The following FOXP4 variants were observed in gnomAD, a reference collection of about 807,000 sequenced individuals.
FOXP4 encodes the protein forkhead box P4, also known as forkhead box protein P4.
FOXP4 carries 25 observed loss-of-function variants against 82.6 expected under a neutral mutation model. The observed-to-expected ratio is 0.30, with a 90% confidence interval of 0.22 to 0.42. The LOEUF is 0.42. FOXP4 is among the 10% of genes least tolerant of loss of function. The pLI, the probability that FOXP4 is intolerant of heterozygous loss-of-function variation, is 1.00. For missense variants in FOXP4, 785 were observed against 900.9 expected (o/e 0.87, Z 1.65); for synonymous variants, 415 against 388.2 (o/e 1.07, Z -0.81).
intron 4 of FOXP4, 79 bp from the exon 5 acceptor site, chr6:41,585,352 C>G (rs988787076): frequency 1.5e-5 from 21 of 1,432,914 alleles, no homozygotes; most frequent in Non-Finnish European, 2.0e-5. Context: ...CTCCTGCCCC[C>G]AGGAGCCCAG....
In FOXP4 at chr6:41,601,380, T is replaced by G. The variant is rs913076; in HGVS notation, c.*2444T>G. On this transcript the variant is annotated 3_prime_UTR_variant, in exon 17 of 17. Transcript: ENST00000307972. Reference sequence around the variant, plus strand: ...CTCTTATCCCGTGTTAAGTCCTGGTTCCCCACCTGCTGCCCCTCCTCAACA... The same window carrying G: ...CTCTTATCCCGTGTTAAGTCCTGGTGCCCCACCTGCTGCCCCTCCTCAACA... 0.097 allele frequency: 14,829 copies of G among 152,358 alleles called. 763 individuals are homozygous for G. Among genetic ancestry groups the G allele is most frequent in the African/African-American group, 0.11 (4,593 of 41,500 alleles). The allele number at this position is 152,358 out of a possible 1,614,324, so 9.4% of individuals were successfully genotyped here.
chr6:41,574,278 C>A (rs535844090), intron 2 of FOXP4, among the ~76,000 whole-genome samples: 3 of 152,296 alleles, frequency 2.0e-5, no homozygotes, highest in Non-Finnish European at 4.4e-5. Flanking sequence ...TCATGGAGAC[C>A]CCTCAGTGGA....
chr6:41,598,198 TTCC>T (rs1441719052), intron 16 of FOXP4, among the ~76,000 whole-genome samples: 7 of 150,680 alleles, frequency 4.6e-5, no homozygotes, highest in East Asian at 2.0e-4. Flanking sequence ...TTTCTTATTT[TTCC>T]TCCTCCTCTC....
rs114553658 is a variant in FOXP4 at position 41,596,841 on chromosome 6, G to A, written c.1659-335G>A. Among the ~76,000 whole-genome samples, 685 of 152,116 alleles carry A rather than the reference G, an allele frequency of 4.5e-3. 6 individuals carry two copies. The highest frequency in any genetic ancestry group is 0.016 in the African/African-American group (651 of 41,500). On this transcript the variant is annotated intron_variant, in intron 14 of 16. Coordinates refer to ENST00000307972, the MANE Select transcript of FOXP4 (RefSeq NM_001012426.2). ...TGCCAAACATTGGAAAATCTAGACC[G>A]GAGAGAAAACGGGTGGGGGGGCAGC... is the stretch of plus-strand genomic sequence containing the variant.
At position 41,595,218 on chromosome 6, in the gene FOXP4, ACT is replaced by A. The variant is rs201620462; in HGVS notation, c.1658+230_1658+231del. ...GACATTTATGTCCTCTTCTGTCCTC[ACT>A]CTGACTGAGGGAAGGGGCCAAGAAG... On this transcript the variant is annotated intron_variant, in intron 14 of 16. Coordinates refer to ENST00000307972, the MANE Select transcript of FOXP4 (RefSeq NM_001012426.2). 7.2e-3 allele frequency among the ~76,000 whole-genome samples: 1,098 copies of A among 152,276 alleles called. 13 individuals carry two copies. The highest frequency in any genetic ancestry group is 0.013 in the Admixed American group (201 of 15,300).
At chr6:41,559,711 T>C (rs991684404) in intron 1 of FOXP4, among the ~76,000 whole-genome samples, 3 of 152,182 alleles carry the variant, frequency 2.0e-5, no homozygotes, top group Non-Finnish European at 4.4e-5. Context: ...ATTGAATGGC[T>C]TTTGCAGATA....
intron 2 of FOXP4, 66 bp from the exon 3 acceptor site, chr6:41,577,920 C>A: frequency 8.3e-7 from 1 of 1,211,938 alleles, no homozygotes; most frequent in Non-Finnish European, 1.2e-6. Context: ...CTGCCCCAAA[C>A]ACTCCCTAAT....
rs1041876334 is a variant in FOXP4 at position 41,558,491 on chromosome 6, T to C, written c.-16-7254T>C. On this transcript the variant is annotated intron_variant, in intron 1 of 16. Transcript: ENST00000307972. The surrounding 1 kb of genome is among the most constrained non-coding windows in gnomAD (Gnocchi z 4.0). ...ATCTTCCTCATGCAGTGTGTCTTAT[T>C]TGATACCACTGCAACCCTGGAAGGA... 1.3e-5 allele frequency among the ~76,000 whole-genome samples: 2 copies of C among 152,224 alleles called. No homozygotes were observed. The highest frequency in any genetic ancestry group is 4.8e-5 in the African/African-American group (2 of 41,442).
At chr6:41,576,559 C>T (rs969401501) in intron 2 of FOXP4, among the ~76,000 whole-genome samples, 5 of 152,036 alleles carry the variant, frequency 3.3e-5, no homozygotes, top group African/African-American at 7.3e-5. Context: ...GAGCCACAGG[C>T]GGGCGCATTT....
chr6:41,580,760 C>T (rs559691186), intron 3 of FOXP4, among the ~76,000 whole-genome samples: 1 of 152,242 alleles, frequency 6.6e-6, no homozygotes, highest in East Asian at 1.9e-4. Context: ...CAGAAGAGTG[C>T]ATCTTGAGCC....
chr6:41,555,786 A>G (rs1025921987), intron 1 of FOXP4, among the ~76,000 whole-genome samples: 3 of 152,232 alleles, frequency 2.0e-5, no homozygotes, highest in African/African-American at 4.8e-5. Context: ...AAAGGCCGCA[A>G]TTAACAAGGG....
intron 1 of FOXP4, among the ~76,000 whole-genome samples, chr6:41,564,901 G>A (rs1256907664): frequency 6.6e-6 from 1 of 152,202 alleles, no homozygotes; most frequent in Non-Finnish European, 1.5e-5. Context: ...TTTTATGGAA[G>A]AATAATTGTT....
chr6:41,582,354 T>C (rs975324020), intron 3 of FOXP4, among the ~76,000 whole-genome samples: 1 of 152,224 alleles, frequency 6.6e-6, no homozygotes, highest in African/African-American at 2.4e-5. Flanking sequence ...CCAAGTGCCG[T>C]GCTGGGCACA....
intron 9 of FOXP4, 103 bp downstream of exon 9, chr6:41,588,834 A>G: frequency 7.7e-7 from 1 of 1,291,922 alleles, no homozygotes. Context: ...GTCTCATGGA[A>G]GGGTCCTATG....
At chr6:41,582,683 C>T (rs1739764637) in intron 3 of FOXP4, among the ~76,000 whole-genome samples, 1 of 152,016 alleles carries the variant, frequency 6.6e-6, no homozygotes, top group South Asian at 2.1e-4. Context: ...TAGGGGCTGG[C>T]TCTGGAGTTG....
chr6:41,579,223 A>G (rs767818272), intron 3 of FOXP4, among the ~76,000 whole-genome samples: 12 of 152,094 alleles, frequency 7.9e-5, no homozygotes, highest in South Asian at 2.1e-4. Context: ...AAAGGGGAGG[A>G]GCTGGGCAAA....
chr6:41,559,611 A>C (rs1291176734), intron 1 of FOXP4, among the ~76,000 whole-genome samples: 1 of 152,208 alleles, frequency 6.6e-6, no homozygotes, highest in East Asian at 1.9e-4. Flanking sequence ...ACACTGCTGC[A>C]CTGCCTTGTT....
intron 1 of FOXP4, among the ~76,000 whole-genome samples, chr6:41,561,415 C>T (rs1764573221): frequency 6.6e-6 from 1 of 152,254 alleles, no homozygotes; most frequent in East Asian, 1.9e-4. Context: ...GACCCCTGGC[C>T]AATCCCTACC....
intron 1 of FOXP4, among the ~76,000 whole-genome samples, chr6:41,560,464 C>CT (rs1206481405): frequency 6.6e-6 from 1 of 152,232 alleles, no homozygotes; most frequent in African/African-American, 2.4e-5. Context: ...TGGGTACGGG[C>CT]TACCTGTGGT....
Sources: allele counts gnomAD v4.1 joint callset (sites outside exome capture counted in the v4.1 genomes callset), GRCh38; gene constraint gnomAD v4.1.1; non-coding constraint Gnocchi (gnomAD v3.1); transcripts MANE v1.5; gene names NCBI Gene and HGNC (gene_info 2026-07-23, HGNC 2026-07-21).